ARHGAP44: variants seen among roughly 807,000 people sequenced by gnomAD.
The protein encoded by ARHGAP44 is Rho GTPase activating protein 44, also known as rho GTPase-activating protein 44.
A neutral mutation model predicts 106.8 loss-of-function variants in ARHGAP44; 43 were observed. The ratio of observed to expected loss-of-function variants is 0.40; its 90% CI spans 0.32 to 0.52. ARHGAP44 has a LOEUF of 0.52. Among genes scored for constraint, ARHGAP44 ranks in the 20% least tolerant of loss-of-function variants. ARHGAP44 has a pLI of 0.48. For synonymous variants in ARHGAP44, 439 were observed against 410.3 expected, an observed-to-expected ratio of 1.07 and a Z score of -0.85; for missense variants, 866 against 1,050.5, an observed-to-expected ratio of 0.82 and a Z score of 2.43.
Position 12,874,994 on chromosome 17 carries a change from A to G in ARHGAP44, c.54-19946A>G, listed in dbSNP as rs1328204109. ...GTGGGATGGAAAATGGGGAAGATTTAGAAGACATTGAAGAGATGAGTTTGT... is the reference window on the plus strand; with the variant it reads ...GTGGGATGGAAAATGGGGAAGATTTGGAAGACATTGAAGAGATGAGTTTGT... On this transcript the variant is annotated intron_variant, in intron 1 of 20. Coordinates refer to ENST00000379672, the MANE Select transcript of ARHGAP44 (RefSeq NM_014859.6). 3.9e-5 allele frequency among the ~76,000 whole-genome samples: 6 copies of G among 152,138 alleles called. No individual in the cohort carries two copies. The East Asian group carries it at 5.8e-4, about 15-fold the overall frequency.
chr17:12,808,627 G>T (rs2034349671), intron 1 of ARHGAP44, among the ~76,000 whole-genome samples: 1 of 152,214 alleles, frequency 6.6e-6, no homozygotes, highest in African/African-American at 2.4e-5. Context: ...GCGCAAAGGA[G>T]TACGAACCTG....
At chr17:12,843,901 C>T (rs1391939615) in intron 1 of ARHGAP44, among the ~76,000 whole-genome samples, 1 of 152,010 alleles carries the variant, frequency 6.6e-6, no homozygotes, top group Non-Finnish European at 1.5e-5. Context: ...AAGTGATCCA[C>T]CCACCTTGAC....
At chr17:12,925,867 T>C in intron 6 of ARHGAP44, among the ~76,000 whole-genome samples, 1 of 152,210 alleles carries the variant, frequency 6.6e-6, no homozygotes, top group Non-Finnish European at 1.5e-5. Flanking sequence ...TTGAAATTCA[T>C]AATTCGTGTT....
intron 1 of ARHGAP44, among the ~76,000 whole-genome samples, chr17:12,824,486 C>T (rs566861901): frequency 1.3e-5 from 2 of 152,154 alleles, no homozygotes; most frequent in African/African-American, 4.8e-5. Flanking sequence ...CATGTCATGA[C>T]CTAATTCATG....
chr17:12,978,821 T>C (rs2039762005), intron 18 of ARHGAP44, among the ~76,000 whole-genome samples: 1 of 152,138 alleles, frequency 6.6e-6, no homozygotes, highest in Non-Finnish European at 1.5e-5. Flanking sequence ...CCCGAGTGGC[T>C]GGGATTACAG....
At chr17:12,983,359 C>T (rs2039879960) in intron 19 of ARHGAP44, among the ~76,000 whole-genome samples, 1 of 151,556 alleles carries the variant, frequency 6.6e-6, no homozygotes, top group Admixed American at 6.6e-5. Flanking sequence ...AAGATATTTG[C>T]CCATCAAGTA....
At chr17:12,908,842 T>C in intron 3 of ARHGAP44, 55 bp from the exon 4 acceptor site, 6 of 1,447,920 alleles carry the variant, frequency 4.1e-6, no homozygotes, top group Non-Finnish European at 5.7e-6. Flanking sequence ...CTATTTTAGA[T>C]TCAACAGATG....
rs1234297566 is a variant in ARHGAP44 at position 12,896,499 on chromosome 17, T to C, written c.186T>C (p.Ala62=). The C allele has an allele frequency of 3.7e-6, 6 of 1,603,090 alleles. No homozygotes were observed. The Admixed American group carries it at 1.0e-4, about 27-fold the overall frequency. ...TGCAGGGCCAGCAAGGGGCAGAGGC[T>C]GACAAGCGCTCCGTAAGTGCCCTCC... ...ACLQGQQGAE[A]DKRSKKLPLT... Residue 62 remains alanine, a synonymous_variant, in exon 3 of 21, where the codon GCT becomes GCC. Coordinates refer to ENST00000379672, the MANE Select transcript of ARHGAP44 (RefSeq NM_014859.6).
intron 3 of ARHGAP44, among the ~76,000 whole-genome samples, chr17:12,896,798 T>C (rs2150921626): frequency 6.6e-6 from 1 of 152,324 alleles, no homozygotes; most frequent in South Asian, 2.1e-4. Context: ...AGGGGCGTGC[T>C]TGAGATCCCA....
intron 1 of ARHGAP44, among the ~76,000 whole-genome samples, chr17:12,826,760 T>C (rs572675372): frequency 6.6e-6 from 1 of 152,354 alleles, no homozygotes; most frequent in Admixed American, 6.5e-5. Flanking sequence ...ATTCTTCTTA[T>C]GATTCTTCAA....
chr17:12,914,813 A>AC (rs1370547579), intron 4 of ARHGAP44, among the ~76,000 whole-genome samples: 3 of 151,334 alleles, frequency 2.0e-5, no homozygotes, highest in East Asian at 3.9e-4. Context: ...AAAAAAAAAA[A>AC]ACCTCAAAAA....
chr17:12,952,722 CTTTTTTTTTT>C (rs201371135), intron 13 of ARHGAP44, 141 bp downstream of exon 13: 40,287 of 303,984 alleles, frequency 0.13, 1,051 homozygotes, highest in East Asian at 0.26. Context: ...TGCATGGTCT[CTTTTTTTTTT>C]TTTTTTTTTT....
intron 1 of ARHGAP44, among the ~76,000 whole-genome samples, chr17:12,839,941 C>T (rs1423858164): frequency 6.6e-6 from 1 of 152,186 alleles, no homozygotes; most frequent in Non-Finnish European, 1.5e-5. Context: ...AACCGCCATT[C>T]ACACTTAGTT....
In ARHGAP44 at chr17:12,964,518, C is replaced by T. The variant is rs1598128826; in HGVS notation, c.1523+5621C>T. 5.3e-5 allele frequency among the ~76,000 whole-genome samples: 8 copies of T among 152,346 alleles called. 1 individual carries two copies. On this transcript the variant is annotated intron_variant, in intron 16 of 20. Transcript: ENST00000379672. ...GCGACAGGCTGGGCGCAGTGGCTCA[C>T]ACCTGTAATCCCTGCACTTCGGGAG...
chr17:12,984,676 T>C lies in ARHGAP44; in HGVS notation c.2085T>C (p.Pro695=). 1 of 1,496,596 alleles carries C rather than the reference T, an allele frequency of 6.7e-7. No individual in the cohort carries two copies. The highest frequency in any genetic ancestry group is 9.0e-7 in the Non-Finnish European group (1 of 1,105,224). The allele number at this position is 1,496,596 out of a possible 1,614,324, so 92.7% of individuals were successfully genotyped here. Residue 695 remains proline, a synonymous_variant, in exon 20 of 21, where the codon CCT becomes CCC. Transcript: ENST00000379672. ...STPSPYGLSY[P]QGYSLASGQL... ...CGTCACCCTATGGACTGAGCTACCCTCAGGGGTACTCCTTGGCCTCGGGCC... is the reference window on the plus strand; with the variant it reads ...CGTCACCCTATGGACTGAGCTACCCCCAGGGGTACTCCTTGGCCTCGGGCC...
intron 6 of ARHGAP44, among the ~76,000 whole-genome samples, chr17:12,923,285 A>G (rs1323120724): frequency 2.6e-5 from 4 of 151,892 alleles, no homozygotes; most frequent in African/African-American, 9.7e-5. Context: ...ATCTCAGTTC[A>G]CTGCAACCTC....
chr17:12,927,900 G>A (rs771487930), intron 6 of ARHGAP44, among the ~76,000 whole-genome samples: 8 of 152,106 alleles, frequency 5.3e-5, no homozygotes, highest in Non-Finnish European at 1.0e-4. Context: ...GTGCGGACTA[G>A]TTTTTAAGAT....
At chr17:12,957,674 A>C (rs1191595182) in intron 15 of ARHGAP44, among the ~76,000 whole-genome samples, 1 of 152,198 alleles carries the variant, frequency 6.6e-6, no homozygotes, top group Non-Finnish European at 1.5e-5. Context: ...TCTGAGCCAC[A>C]GAAGCCTCAC....
chr17:12,923,057 C>G (rs1045543688), intron 6 of ARHGAP44, among the ~76,000 whole-genome samples: 1 of 152,110 alleles, frequency 6.6e-6, no homozygotes, highest in South Asian at 2.1e-4. Flanking sequence ...CAACTTGGAC[C>G]CTTTATAACC....
Sources: allele counts gnomAD v4.1 joint callset (sites outside exome capture counted in the v4.1 genomes callset), GRCh38; gene constraint gnomAD v4.1.1; transcripts MANE v1.5; gene names NCBI Gene and HGNC (gene_info 2026-07-23, HGNC 2026-07-21).